The following CEACAM7 variants were observed in gnomAD, a reference collection of about 807,000 sequenced individuals.
CEACAM7 encodes the protein CEA cell adhesion molecule 7.
A neutral mutation model predicts 25.7 loss-of-function variants in CEACAM7; 24 were observed. The observed-to-expected ratio is 0.93, with a 90% CI of 0.68 to 1.31. CEACAM7 has a LOEUF of 1.31. Among genes scored for constraint, CEACAM7 ranks in the 40% most tolerant of loss-of-function variants. The probability of loss-of-function intolerance (pLI) is 0.00; values close to 1 mark genes in which losing one functional copy is unlikely to be tolerated. For missense variants in CEACAM7, 324 were observed against 330.1 expected (o/e 0.98, Z 0.14); for synonymous variants, 144 against 129.4 (o/e 1.11, Z -0.77).
intron 3 of CEACAM7, 52 bp from the exon 4 acceptor site, chr19:41,677,555 A>T (rs1390031456): frequency 3.6e-6 from 5 of 1,378,584 alleles, no homozygotes; most frequent in Non-Finnish European, 5.2e-6. Context: ...TTTACAGGGA[A>T]GTCCCCCAGG....
chr19:41,685,025 A>G (rs1414640019), intron 2 of CEACAM7, among the ~76,000 whole-genome samples: 1 of 152,208 alleles, frequency 6.6e-6, no homozygotes, highest in Non-Finnish European at 1.5e-5. Context: ...TCATGAGGAC[A>G]CAGGTGTATG....
In CEACAM7 at chr19:41,687,151, G is replaced by T; in HGVS notation, c.135C>A (p.Val45=). The change falls in exon 2 of 5, where the codon GTC becomes GTA. Residue 45 remains valine (V), a synonymous_variant. Transcript: ENST00000401731. ...QTNIDVVPFN[V]AEGKEVLLVV... ...CTAGAAGGACCTCCTTCCCTTCTGC[G>T]ACATTGAACGGCACGACATCAATAT... is the stretch of plus-strand genomic sequence containing the variant. 6.2e-7 allele frequency: 1 copy of T among 1,613,964 alleles called. No homozygotes were observed. Among genetic ancestry groups the T allele is most frequent in the Non-Finnish European group, 8.5e-7 (1 of 1,179,916 alleles).
At chr19:41,687,889 A>T (rs1230834324) in intron 1 of CEACAM7, among the ~76,000 whole-genome samples, 2 of 152,258 alleles carry the variant, frequency 1.3e-5, no homozygotes, top group Non-Finnish European at 2.9e-5. Flanking sequence ...ATGATTAACC[A>T]GGAAAAGAGA....
At chr19:41,679,914 G>A (rs1555810525) in intron 3 of CEACAM7, among the ~76,000 whole-genome samples, 1 of 135,652 alleles carries the variant, frequency 7.4e-6, no homozygotes, top group African/African-American at 2.8e-5. Flanking sequence ...TGATTCTCCT[G>A]CCTCAGCCTC....
intron 4 of CEACAM7, among the ~76,000 whole-genome samples, chr19:41,676,164 T>C (rs2072111948): frequency 6.6e-6 from 1 of 152,174 alleles, no homozygotes; most frequent in Non-Finnish European, 1.5e-5. Context: ...TGCACATTAG[T>C]AGCATGTGGG....
Position 41,683,790 on chromosome 19 carries a change from A to T in CEACAM7, c.701T>A (p.Val234Asp). ...ASRSDPVTLN[V>D]RYESVQASSP... The stretch of plus-strand genomic sequence containing the variant: ...GAGGAACAGAAGATACTCACAGCGG[A>T]CATTCAGGGTGACTGGGTCACTGCG... Residue 234 changes from valine (V) to aspartate (D), a missense_variant, in exon 3 of 5, where the codon GTC (valine) becomes GAC (aspartate). Val to Asp is a radical substitution (Grantham distance 152). Transcript: ENST00000401731. 13 of 1,613,994 alleles carry T rather than the reference A, an allele frequency of 8.1e-6. No homozygotes were observed. The highest frequency in any genetic ancestry group is 1.1e-5 in the Non-Finnish European group (13 of 1,179,898).
chr19:41,675,915 A>G (rs2072109216), intron 4 of CEACAM7, among the ~76,000 whole-genome samples: 1 of 152,268 alleles, frequency 6.6e-6, no homozygotes, highest in African/African-American at 2.4e-5. Context: ...ATCACTTGTC[A>G]TTTGACAGTG....
chr19:41,676,028 C>T (rs2122713119), intron 4 of CEACAM7, among the ~76,000 whole-genome samples: 1 of 152,288 alleles, frequency 6.6e-6, no homozygotes, highest in East Asian at 1.9e-4. Context: ...ACAAATATGG[C>T]CAACAATGTA....
rs782398173 is a variant in CEACAM7, at chr19:41,686,875, T to A, written c.411A>T (p.Arg137Ser). Residue 137 changes from arginine to serine, a missense_variant, in exon 2 of 5, where the codon AGA becomes AGT. Transcript: ENST00000401731. Reference sequence around the variant, plus strand: ...ATCACTCACAGAATACGTAGAATTGTCTGGTTACTTCTTCATTCACAAGAT... The same window carrying A: ...ATCACTCACAGAATACGTAGAATTGACTGGTTACTTCTTCATTCACAAGAT... ...KENLVNEEVTRQFYVFSEPPK... is the reference protein window; with the variant it reads ...KENLVNEEVTSQFYVFSEPPK... 2.0e-6 allele frequency: 3 copies of A among 1,529,176 alleles called. No homozygotes were observed. The highest frequency in any genetic ancestry group is 2.7e-5 in the South Asian group (2 of 75,398). 94.7% of individuals were successfully genotyped at this position (1,529,176 alleles called of 1,614,324 possible). A position where few individuals can be genotyped will look rare whatever the true frequency, so the allele number is the denominator to read the frequency against.
intron 2 of CEACAM7, among the ~76,000 whole-genome samples, chr19:41,685,370 G>A (rs899204842): frequency 4.6e-4 from 16 of 34,972 alleles, no homozygotes; most frequent in Admixed American, 1.1e-3. Context: ...TGAACTCCTG[G>A]GCTCAAGACA....
At position 41,682,460 on chromosome 19, in the gene CEACAM7, G is replaced by T. The variant is rs10422983; in HGVS notation, c.706+1325C>A. On this transcript the variant is annotated intron_variant, in intron 3 of 4. Coordinates refer to ENST00000401731, the MANE Select transcript of CEACAM7 (RefSeq NM_001291485.2). ...TGCTGTGTCCACAGCGTCATACAGC[G>T]GGTGACTTCAGAGCCAGGCCACAGT... Among the ~76,000 whole-genome samples, 504 of 152,082 alleles carry T rather than the reference G, an allele frequency of 3.3e-3. 5 individuals are homozygous for T. The highest frequency in any genetic ancestry group is 0.013 in the Admixed American group (202 of 15,300).
In CEACAM7 at chr19:41,673,998, A is replaced by G. The variant is rs912956314; in HGVS notation, c.*778T>C. The G allele has an allele frequency of 6.6e-6, 1 of 152,176 alleles. No individual in the cohort carries two copies. The highest frequency in any genetic ancestry group is 6.5e-5 in the Admixed American group (1 of 15,282). The allele number at this position is 152,176 out of a possible 1,614,324, so 9.4% of individuals were successfully genotyped here. ...GAGAATAGATTAAAGAATGAGCCAC[A>G]TGAGAAGCCTACCCATTTTAATCAA... is the stretch of plus-strand genomic sequence containing the variant. On this transcript the variant is annotated 3_prime_UTR_variant, in exon 5 of 5. Transcript: ENST00000401731.
chr19:41,676,931 T>C (rs939107691), intron 4 of CEACAM7, among the ~76,000 whole-genome samples: 1 of 152,134 alleles, frequency 6.6e-6, no homozygotes, highest in Admixed American at 6.5e-5. Context: ...AATGTGAACT[T>C]ATCTAATGGG....
chr19:41,683,798 G>A lies in CEACAM7; in HGVS notation c.693C>T (p.Thr231=). 6.2e-7 allele frequency: 1 copy of A among 1,614,112 alleles called. No individual in the cohort carries two copies. The highest frequency in any genetic ancestry group is 8.5e-7 in the Non-Finnish European group (1 of 1,179,992). ...PVGASRSDPV[T]LNVRYESVQA... is the part of the protein sequence containing the mutation. ...GAAGATACTCACAGCGGACATTCAG[G>A]GTGACTGGGTCACTGCGGCTGGCAC... The change falls in exon 3 of 5, where the codon ACC becomes ACT. Residue 231 remains threonine (T), a synonymous_variant. Coordinates refer to ENST00000401731, the MANE Select transcript of CEACAM7 (RefSeq NM_001291485.2).
intron 4 of CEACAM7, among the ~76,000 whole-genome samples, chr19:41,677,173 T>C (rs1227656910): frequency 6.6e-6 from 1 of 152,172 alleles, no homozygotes; most frequent in Non-Finnish European, 1.5e-5. Flanking sequence ...CTGGGAGTAG[T>C]CATGTCTAAG....
At chr19:41,680,928 T>C (rs145005312) in intron 3 of CEACAM7, among the ~76,000 whole-genome samples, 21 of 151,802 alleles carry the variant, frequency 1.4e-4, no homozygotes, top group African/African-American at 4.6e-4. Context: ...TTTGACTTCA[T>C]AAAAAATAAG....
chr19:41,675,986 C>T (rs2072110055), intron 4 of CEACAM7, among the ~76,000 whole-genome samples: 1 of 152,222 alleles, frequency 6.6e-6, no homozygotes, highest in South Asian at 2.1e-4. Context: ...TGTTTCTCAA[C>T]TGGATTACTG....
At chr19:41,677,093 T>C (rs1432434831) in intron 4 of CEACAM7, among the ~76,000 whole-genome samples, 1 of 152,108 alleles carries the variant, frequency 6.6e-6, no homozygotes, top group Non-Finnish European at 1.5e-5. Context: ...ACAGCACAAG[T>C]GAAAGATGTT....
intron 3 of CEACAM7, among the ~76,000 whole-genome samples, chr19:41,678,809 T>C (rs1312160963): frequency 3.3e-5 from 5 of 152,234 alleles, no homozygotes; most frequent in Non-Finnish European, 5.9e-5. Flanking sequence ...CATTAAATCT[T>C]CAAAACAATA....
Sources: allele counts gnomAD v4.1 joint callset (sites outside exome capture counted in the v4.1 genomes callset), GRCh38; gene constraint gnomAD v4.1.1; transcripts MANE v1.5; gene names NCBI Gene and HGNC (gene_info 2026-07-23, HGNC 2026-07-21).